STARD13: variants seen among roughly 807,000 people sequenced by gnomAD.
The protein encoded by STARD13 is stAR-related lipid transfer protein 13.
A neutral mutation model predicts 106.4 loss-of-function variants in STARD13; 62 were observed. That is an observed-to-expected ratio of 0.58 (90% CI 0.48 to 0.72). The LOEUF (loss-of-function observed/expected upper bound fraction) is 0.72, where lower values mean the gene tolerates loss of function less well. Among genes scored for constraint, STARD13 ranks in the 30% least tolerant of loss-of-function variants. The pLI is 0.00. For missense variants in STARD13, 1,387 were observed against 1,424.0 expected (o/e 0.97, Z 0.42); for synonymous variants, 565 against 553.0 (o/e 1.02, Z -0.31).
At chr13:33,459,627 C>G in the STARD13 span, among the ~76,000 whole-genome samples, 1 of 152,088 alleles carries the variant, frequency 6.6e-6, no homozygotes. Flanking sequence ...AAGGTGAAAT[C>G]GTATGATAGG....
chr13:33,395,783 G>A, the STARD13 span, among the ~76,000 whole-genome samples: 3,066 of 152,216 alleles, frequency 0.02, 47 homozygotes, highest in Middle Eastern at 0.037. Context: ...AGTTAATAAA[G>A]ATGGAAAGTC....
the STARD13 span, among the ~76,000 whole-genome samples, chr13:33,403,188 C>T: frequency 8.6e-3 from 1,317 of 152,316 alleles, 8 homozygotes; most frequent in Non-Finnish European, 0.014. Flanking sequence ...CCCCTCCTGT[C>T]AGGAGTTTGA....
At chr13:33,468,671 G>A in the STARD13 span, among the ~76,000 whole-genome samples, 11 of 147,620 alleles carry the variant, frequency 7.5e-5, 1 homozygote, top group Middle Eastern at 6.5e-3. Context: ...CTAATGTCTT[G>A]ATCTTGCCCA....
rs193128567 is a variant in STARD13, at chr13:33,226,497, C to T, written c.170-58875G>A. Among the ~76,000 whole-genome samples, 9 of 147,258 alleles carry T rather than the reference C, an allele frequency of 6.1e-5. No individual in the cohort carries two copies. The East Asian group carries it at 1.0e-3, about 16-fold the overall frequency. On this transcript the variant is annotated intron_variant, in intron 1 of 13. Coordinates refer to ENST00000336934, the MANE Select transcript of STARD13 (RefSeq NM_178006.4). Reference sequence around the variant, plus strand: ...TCGCCCAGGCTGGAGTTCAGTGGCACGATCATGGTTCACTGCAACCTCCAC... The same window carrying T: ...TCGCCCAGGCTGGAGTTCAGTGGCATGATCATGGTTCACTGCAACCTCCAC...
At chr13:33,490,601 C>CCT in the STARD13 span, among the ~76,000 whole-genome samples, 1 of 152,136 alleles carries the variant, frequency 6.6e-6, no homozygotes, top group African/African-American at 2.4e-5. Flanking sequence ...GGGGAAGATA[C>CCT]CTTCCCACTC....
chr13:33,143,212 AT>A (rs1880073991), intron 3 of STARD13, among the ~76,000 whole-genome samples: 1 of 152,178 alleles, frequency 6.6e-6, no homozygotes, highest in Middle Eastern at 3.2e-3. Context: ...TAATAAATAC[AT>A]TTTGATTTTC....
At chr13:33,190,559 A>G (rs1594079577) in intron 1 of STARD13, among the ~76,000 whole-genome samples, 1 of 150,974 alleles carries the variant, frequency 6.6e-6, no homozygotes, top group African/African-American at 2.4e-5. Context: ...GGAATACTGC[A>G]CCCATTTCGT....
chr13:33,445,255 A>G, the STARD13 span, among the ~76,000 whole-genome samples: 1 of 152,246 alleles, frequency 6.6e-6, no homozygotes, highest in African/African-American at 2.4e-5. Flanking sequence ...TAAAAATCCC[A>G]GAGTAAATAA....
At chr13:33,433,488 C>T in the STARD13 span, among the ~76,000 whole-genome samples, 1 of 152,174 alleles carries the variant, frequency 6.6e-6, no homozygotes, top group Non-Finnish European at 1.5e-5. Flanking sequence ...CAGGAATCAC[C>T]TTGCAGGAGT....
chr13:33,609,105 A>AAAAAAAAAAAAAAG, the STARD13 span, among the ~76,000 whole-genome samples: 118 of 133,174 alleles, frequency 8.9e-4, 4 homozygotes, highest in African/African-American at 3.5e-3. Context: ...AAAAAAAAAA[A>AAAAAAAAAAAAAAG]AAATATTGAT....
At chr13:33,171,567 G>A (rs1218977504) in intron 1 of STARD13, among the ~76,000 whole-genome samples, 1 of 152,102 alleles carries the variant, frequency 6.6e-6, no homozygotes, top group Non-Finnish European at 1.5e-5. Context: ...TAGGGCTGAC[G>A]CCTCTTGCCT....
At chr13:33,393,040 C>T in the STARD13 span, among the ~76,000 whole-genome samples, 14 of 152,318 alleles carry the variant, frequency 9.2e-5, 1 homozygote, top group East Asian at 2.7e-3. Flanking sequence ...TCAAGATCAA[C>T]TGAAACAAAG....
At chr13:33,655,257 T>C in the STARD13 span, among the ~76,000 whole-genome samples, 3 of 152,224 alleles carry the variant, frequency 2.0e-5, no homozygotes, top group Non-Finnish European at 2.9e-5. Flanking sequence ...TTGCATGGAC[T>C]AAAATTCTGG....
At chr13:33,224,685 A>G (rs1181159532) in intron 1 of STARD13, among the ~76,000 whole-genome samples, 7 of 152,244 alleles carry the variant, frequency 4.6e-5, no homozygotes, top group Non-Finnish European at 1.0e-4. Flanking sequence ...CACATGCCAA[A>G]AAGAGTTACA....
intron 1 of STARD13, among the ~76,000 whole-genome samples, chr13:33,307,025 C>A (rs1161781331): frequency 1.3e-5 from 2 of 151,616 alleles, no homozygotes; most frequent in Non-Finnish European, 2.9e-5. Flanking sequence ...CAAAAGAAGA[C>A]ATTTATGCTG....
chr13:33,193,426 G>A (rs912178434), intron 1 of STARD13, among the ~76,000 whole-genome samples: 4 of 152,246 alleles, frequency 2.6e-5, no homozygotes, highest in East Asian at 1.9e-4. Flanking sequence ...CAATGAAAAC[G>A]TCACATAATA....
the STARD13 span, among the ~76,000 whole-genome samples, chr13:33,503,075 T>C: frequency 5.9e-5 from 9 of 152,338 alleles, no homozygotes; most frequent in Admixed American, 1.3e-4. Flanking sequence ...TATTGGTCTA[T>C]TCAGGGATTT....
the STARD13 span, among the ~76,000 whole-genome samples, chr13:33,524,653 T>C: frequency 5.3e-5 from 8 of 152,052 alleles, no homozygotes; most frequent in Admixed American, 3.9e-4. Flanking sequence ...TAGAACTATA[T>C]TGGCATTTTT....
chr13:33,206,156 CATACCAG>C, intron 1 of STARD13: 1 of 284,858 alleles, frequency 3.5e-6, no homozygotes, highest in Non-Finnish European at 5.3e-6. Flanking sequence ...CGCTCTGGCA[CATACCAG>C]AGGAAACGCT....
Sources: gnomAD v4.1 joint callset for allele counts (sites outside exome capture counted in the v4.1 genomes callset) on GRCh38, gnomAD v4.1.1 for gene constraint, MANE v1.5 for transcripts, NCBI Gene and HGNC (gene_info 2026-07-23, HGNC 2026-07-21) for gene names.